Variants in ANKRD42 observed in about 807,000 individuals in gnomAD.
ANKRD42 encodes the protein ankyrin repeat domain-containing protein 42.
A neutral mutation model predicts 51.5 loss-of-function variants in ANKRD42; 43 were observed. The observed-to-expected ratio is 0.83, with a 90% CI of 0.65 to 1.08. The LOEUF (loss-of-function observed/expected upper bound fraction) is 1.08. ANKRD42 is among the 50% of genes least tolerant of loss of function. ANKRD42 has a pLI of 0.00. For missense variants in ANKRD42, 608 were observed against 629.3 expected (o/e 0.97, Z 0.36); for synonymous variants, 203 against 213.0 (o/e 0.95, Z 0.41).
intron 9 of ANKRD42, among the ~76,000 whole-genome samples, chr11:83,244,746 C>T (rs1234691383): frequency 6.6e-6 from 1 of 152,184 alleles, no homozygotes; most frequent in Non-Finnish European, 1.5e-5. Flanking sequence ...TCTCAATGTA[C>T]TTCCTTCTCT....
intron 10 of ANKRD42, 21 bp from the exon 11 acceptor site, chr11:83,247,922 A>T (rs766657730): frequency 3.2e-6 from 5 of 1,572,616 alleles, no homozygotes; most frequent in Admixed American, 3.9e-5. Flanking sequence ...ATTGATTTTT[A>T]AAAAATTTTG....
At chr11:83,233,723 C>T (rs1350450360) in intron 7 of ANKRD42, among the ~76,000 whole-genome samples, 5 of 152,140 alleles carry the variant, frequency 3.3e-5, no homozygotes, top group Non-Finnish European at 5.9e-5. Flanking sequence ...CACTGTGTCA[C>T]CCATGCTGGA....
Position 83,240,918 on chromosome 11 carries a change from T to A in ANKRD42, c.1179T>A (p.Asp393Glu). 6.2e-7 allele frequency: 1 copy of A among 1,612,676 alleles called. No homozygotes were observed. The highest frequency in any genetic ancestry group is 8.5e-7 in the Non-Finnish European group (1 of 1,179,176). Reference sequence around the variant, plus strand: ...ATGATTTATGTCTGAGTGACTTGGATAAAACAGATGCCAGAAGTAAGTATG... The same window carrying A: ...ATGATTTATGTCTGAGTGACTTGGAAAAAACAGATGCCAGAAGTAAGTATG... ...AKDDLCLSDL[D>E]KTDARMRAYK... Residue 393 changes from aspartate to glutamate, a missense_variant, in exon 9 of 11, where the codon GAT becomes GAA. By Grantham distance (45) the Asp-to-Glu change is conservative. Transcript: ENST00000533342.
At chr11:83,229,021 A>G (rs1487089336) in intron 7 of ANKRD42, among the ~76,000 whole-genome samples, 1 of 151,934 alleles carries the variant, frequency 6.6e-6, no homozygotes, top group Non-Finnish European at 1.5e-5. Flanking sequence ...ATATAACAAA[A>G]TGCTGCAGAC....
rs559648927 is a variant in ANKRD42, at chr11:83,244,410, G to A, written c.1196-1088G>A. Among the ~76,000 whole-genome samples the A allele has an allele frequency of 3.4e-4, 52 of 152,328 alleles. 1 individual carries two copies. Among genetic ancestry groups the A allele is most frequent in the African/African-American group, 1.3e-3 (52 of 41,576 alleles). Reference sequence around the variant, plus strand: ...TTAGAACCTGCAGCTCTAACCTGTTGATAGATAAATCATTGGTGTTAGGAA... The same window carrying A: ...TTAGAACCTGCAGCTCTAACCTGTTAATAGATAAATCATTGGTGTTAGGAA... On this transcript the variant is annotated intron_variant, in intron 9 of 10. Coordinates refer to ENST00000533342, the MANE Select transcript of ANKRD42 (RefSeq NM_001300975.2).
At chr11:83,210,603 T>TC (rs1232570145) in intron 4 of ANKRD42, among the ~76,000 whole-genome samples, 184 bp downstream of exon 4, 8 of 152,048 alleles carry the variant, frequency 5.3e-5, no homozygotes, top group African/African-American at 1.9e-4. Context: ...AGTCTTCTCT[T>TC]CCCCCCCAAA....
At chr11:83,262,763 T>C (rs975562646), downstream of ANKRD42, among the ~76,000 whole-genome samples, 2 of 152,238 alleles carry the variant, frequency 1.3e-5, no homozygotes, top group African/African-American at 2.4e-5. Context: ...TACTACTTAC[T>C]GAAACTTGGT....
At chr11:83,256,550 C>A (rs183604389), downstream of ANKRD42, among the ~76,000 whole-genome samples, 4 of 152,006 alleles carry the variant, frequency 2.6e-5, no homozygotes, top group South Asian at 2.1e-4. Flanking sequence ...TTTTTTCCTA[C>A]CCCCCTCTCT....
intron 2 of ANKRD42, among the ~76,000 whole-genome samples, chr11:83,203,895 A>T (rs1289617624): frequency 6.6e-6 from 1 of 152,176 alleles, no homozygotes; most frequent in African/African-American, 2.4e-5. Context: ...CATTTCAGAT[A>T]TACTGTTCAA....
chr11:83,256,921 T>C (rs513438), downstream of ANKRD42, among the ~76,000 whole-genome samples: 49,242 of 152,050 alleles, frequency 0.32, 8,621 homozygotes, highest in South Asian at 0.4. Context: ...TTAATCTCTT[T>C]ATATAAAATA....
chr11:83,254,204 G>T lies in ANKRD42; in HGVS notation c.1465-1641G>T, dbSNP rs150840912. 5.5e-4 allele frequency among the ~76,000 whole-genome samples: 83 copies of T among 152,030 alleles called. No individual in the cohort carries two copies. The East Asian group carries it at 0.011, about 20-fold the overall frequency. Reference sequence around the variant, plus strand: ...GTCCAGGTTGGTCTCAAACTCCTGAGCTCAAAGTGATCTGCCCACCACAGC... The same window carrying T: ...GTCCAGGTTGGTCTCAAACTCCTGATCTCAAAGTGATCTGCCCACCACAGC... On this transcript the variant is annotated intron_variant, in intron 11 of 11. Transcript: ENST00000260047.
downstream of ANKRD42, chr11:83,261,925 T>C (rs1256716839): frequency 1.2e-6 from 2 of 1,605,586 alleles, no homozygotes; most frequent in East Asian, 2.3e-5. Flanking sequence ...TTCCAGAATC[T>C]ATAAAATCCC....
chr11:83,202,979 G>A (rs2135485459), intron 2 of ANKRD42, among the ~76,000 whole-genome samples: 1 of 146,736 alleles, frequency 6.8e-6, no homozygotes, highest in South Asian at 2.2e-4. Context: ...TTCAATAAAT[G>A]TTGGTTGGAT....
intron 5 of ANKRD42, chr11:83,212,739 C>T (rs925528790): frequency 2.0e-6 from 3 of 1,535,664 alleles, no homozygotes; most frequent in Non-Finnish European, 2.6e-6. Context: ...CCTGCATGGC[C>T]TCATCTTTCT....
rs149555868 is a variant in ANKRD42 at position 83,254,858 on chromosome 11, A to G, written c.1465-987A>G. ...AGACTAGCCGCTAAACTTTTTTTCA[A>G]GAGACCATCTGTATTACCCTATGCC... On this transcript the variant is annotated intron_variant, in intron 11 of 11. Transcript: ENST00000260047. 3.3e-4 allele frequency among the ~76,000 whole-genome samples: 50 copies of G among 152,298 alleles called. No homozygotes were observed. The East Asian group carries it at 7.9e-3, about 24-fold the overall frequency.
At chr11:83,257,501 G>A (rs1863795415), downstream of ANKRD42, 4 of 356,146 alleles carry the variant, frequency 1.1e-5, no homozygotes, top group African/African-American at 8.6e-5. Context: ...TTTGTGCCAA[G>A]CCCTTAACTA....
rs1863335947 is a variant in ANKRD42, at chr11:83,239,831, CA to C, written c.1020-924del. On this transcript the variant is annotated intron_variant, in intron 8 of 10. Transcript: ENST00000533342. Reference sequence around the variant, plus strand: ...TGGTCCACATTTTTTTCTCATGCACCAAAATGCTTGGTGTGGGTGTAGGGTT... The same window carrying C: ...TGGTCCACATTTTTTTCTCATGCACCAAATGCTTGGTGTGGGTGTAGGGTT... Among the ~76,000 whole-genome samples, 3 of 152,060 alleles carry C rather than the reference CA, an allele frequency of 2.0e-5. No individual in the cohort carries two copies. The South Asian group carries it at 6.2e-4, about 32-fold the overall frequency.
intron 5 of ANKRD42, chr11:83,213,840 A>G (rs1175964002): frequency 6.6e-6 from 1 of 152,558 alleles, no homozygotes; most frequent in East Asian, 1.9e-4. Context: ...TAATCTTTCT[A>G]CTTCATGGCT....
downstream of ANKRD42, among the ~76,000 whole-genome samples, chr11:83,258,014 G>A (rs1457391015): frequency 6.6e-6 from 1 of 152,160 alleles, no homozygotes; most frequent in Non-Finnish European, 1.5e-5. Flanking sequence ...AAACCTTAGG[G>A]TCATGGCTAT....
Sources: allele counts gnomAD v4.1 joint callset (sites outside exome capture counted in the v4.1 genomes callset), GRCh38; gene constraint gnomAD v4.1.1; transcripts MANE v1.5; gene names NCBI Gene and HGNC (gene_info 2026-07-23, HGNC 2026-07-21).